The following ZNF497 variants were observed in gnomAD, a reference collection of about 807,000 sequenced individuals.
ZNF497 encodes the protein zinc finger protein 497.
For synonymous variants in ZNF497, 422 were observed against 313.7 expected, an observed-to-expected ratio of 1.35 and a Z score of -3.65; for missense variants, 930 against 714.0, an observed-to-expected ratio of 1.30 and a Z score of -3.45.
chr19:58,356,484 C>T lies in ZNF497; in HGVS notation c.1152G>A (p.Lys384=), dbSNP rs890638945. 1.9e-6 allele frequency: 3 copies of T among 1,550,256 alleles called. No individual in the cohort carries two copies. The highest frequency in any genetic ancestry group is 2.6e-6 in the Non-Finnish European group (3 of 1,153,812). The change falls in exon 3 of 3, where the codon AAG becomes AAA. Residue 384 remains lysine, a synonymous_variant. Transcript: ENST00000311044. ...LSHRRTHSGA[K]PFACADCGKA... ...TGCCGCAGTCGGCGCAGGCGAAGGG[C>T]TTGGCGCCCGAGTGCGTGCGCCGGT...
chr19:58,357,474 G>A lies in ZNF497; in HGVS notation c.162C>T (p.Gly54=). 1.2e-5 allele frequency: 19 copies of A among 1,593,194 alleles called. No homozygotes were observed. The highest frequency in any genetic ancestry group is 1.5e-5 in the Non-Finnish European group (18 of 1,170,302). The part of the protein sequence containing the change: ...STEVPREAGD[G]QRQQATLGAA... The stretch of plus-strand genomic sequence containing the variant: ...CCCCCAGTGTGGCTTGCTGCCGCTG[G>A]CCGTCCCCTGCCTCCCTCGGAACCT... The change falls in exon 3 of 3, where the codon GGC becomes GGT. Residue 54 remains glycine, a synonymous_variant. Coordinates refer to ENST00000311044, the MANE Select transcript of ZNF497 (RefSeq NM_198458.3).
rs956737020 is a variant in ZNF497, at chr19:58,356,443, CT to C, written c.1192del (p.Ser398ValfsTer61). On this transcript the variant is annotated frameshift_variant, in exon 3 of 3. Coordinates refer to ENST00000311044, the MANE Select transcript of ZNF497 (RefSeq NM_198458.3). The stretch of plus-strand genomic sequence containing the variant: ...AAGCCGGTGGTGCGCCAGGCCGGAA[CT>C]GCCGCGGAAGGCCTTGCCGCAGTCG... The part of the protein sequence containing the change: ...CADCGKAFRG[S>X]SGLAHHRLSH... 1.9e-6 allele frequency: 3 copies of C among 1,560,256 alleles called. No individual in the cohort carries two copies.
intron 1 of ZNF497, among the ~76,000 whole-genome samples, chr19:58,361,439 C>A (rs1054936110): frequency 2.6e-5 from 4 of 152,280 alleles, no homozygotes; most frequent in Admixed American, 1.3e-4. Flanking sequence ...TCACCGCGAC[C>A]TCCGCCTCCT....
Position 58,357,550 on chromosome 19 carries a change from A to T in ZNF497, c.86T>A (p.Leu29His), listed in dbSNP as rs2052042622. 2.5e-6 allele frequency: 4 copies of T among 1,604,760 alleles called. No homozygotes were observed. In the East Asian group the frequency reaches 8.9e-5, roughly 36 times the overall value. ...GCCTCCAGACACAGCCCCCTCAGAG[A>T]GGCCCCTCGTGGCAGTCTTCACATT... is the stretch of plus-strand genomic sequence containing the variant. ...LCNVKTATRGLSEGAVSGGWG... is the reference protein window; with the variant it reads ...LCNVKTATRGHSEGAVSGGWG... Residue 29 changes from leucine to histidine, a missense_variant, in exon 3 of 3, where the codon CTC becomes CAC. Leu to His is a moderately conservative substitution (Grantham distance 99). Coordinates refer to ENST00000311044, the MANE Select transcript of ZNF497 (RefSeq NM_198458.3).
chr19:58,358,275 C>T (rs1599912918), intron 2 of ZNF497: 2 of 1,289,632 alleles, frequency 1.6e-6, no homozygotes, highest in Middle Eastern at 2.1e-4. Flanking sequence ...GGTGGCTGTG[C>T]AGCCCAGATC....
At chr19:58,359,086 C>T (rs938622219) in intron 1 of ZNF497, 1 of 856,878 alleles carries the variant, frequency 1.2e-6, no homozygotes, top group South Asian at 1.4e-5. Context: ...GCATCAGCCA[C>T]TGGCAACACA....
Position 58,356,835 on chromosome 19 carries a change from G to A in ZNF497, c.801C>T (p.Ile267=), listed in dbSNP as rs770448722. The A allele has an allele frequency of 1.3e-6, 2 of 1,570,918 alleles. No individual in the cohort carries two copies. Among genetic ancestry groups the A allele is most frequent in the Non-Finnish European group, 1.7e-6 (2 of 1,164,860 alleles). ...QSSNLAEHLK[I]HAGARPHACP... Reference sequence around the variant, plus strand: ...AGGCGTGTGGCCGTGCGCCCGCGTGGATCTTCAGGTGCTCGGCCAGGTTGG... The same window carrying A: ...AGGCGTGTGGCCGTGCGCCCGCGTGAATCTTCAGGTGCTCGGCCAGGTTGG... The change falls in exon 3 of 3, where the codon ATC becomes ATT. Residue 267 remains isoleucine, a synonymous_variant. Transcript: ENST00000311044.
intron 1 of ZNF497, chr19:58,359,091 A>T: frequency 1.1e-6 from 1 of 900,672 alleles, no homozygotes; most frequent in Non-Finnish European, 1.6e-6. Flanking sequence ...AGCCACTGGC[A>T]ACACAGCTCA....
At chr19:58,359,930 C>T (rs2052072855) in intron 1 of ZNF497, among the ~76,000 whole-genome samples, 1 of 151,106 alleles carries the variant, frequency 6.6e-6, no homozygotes, top group Non-Finnish European at 1.5e-5. Flanking sequence ...CGAGATCGCG[C>T]CACTGCACTC....
At chr19:58,358,880 C>T (rs765915634) in intron 1 of ZNF497, 5 of 456,216 alleles carry the variant, frequency 1.1e-5, no homozygotes, top group South Asian at 6.2e-5. Flanking sequence ...GCACACCCAG[C>T]CCCCAGACCA....
Position 58,357,038 on chromosome 19 carries a change from C to G in ZNF497, c.598G>C (p.Gly200Arg). The stretch of plus-strand genomic sequence containing the variant: ...TGCTGCACCAGCGTGGTGCTTCGGC[C>G]GAAGGACTTGCCGCAGTCCGGGCAG... ...FRCPDCGKSF[G>R]RSTTLVQHRR... Residue 200 changes from glycine (G) to arginine (R), a missense_variant, in exon 3 of 3, where the codon GGC becomes CGC. Gly to Arg is a moderately radical substitution (Grantham distance 125, BLOSUM62 -2). Transcript: ENST00000311044. 6.2e-7 allele frequency: 1 copy of G among 1,609,770 alleles called. No individual in the cohort carries two copies. The highest frequency in any genetic ancestry group is 8.5e-7 in the Non-Finnish European group (1 of 1,178,840).
In ZNF497 at chr19:58,356,845, T is replaced by C; in HGVS notation, c.791A>G (p.His264Arg). Residue 264 changes from histidine to arginine, a missense_variant, in exon 3 of 3, where the codon CAC becomes CGC. By Grantham distance (29) the His-to-Arg change is conservative. Coordinates refer to ENST00000311044, the MANE Select transcript of ZNF497 (RefSeq NM_198458.3). ...AFSQSSNLAE[H>R]LKIHAGARPH... ...CCGTGCGCCCGCGTGGATCTTCAGG[T>C]GCTCGGCCAGGTTGGAGCTCTGGCT... The C allele has an allele frequency of 2.5e-6, 4 of 1,579,046 alleles. No homozygotes were observed. Among genetic ancestry groups the C allele is most frequent in the Non-Finnish European group, 3.4e-6 (4 of 1,168,016 alleles).
At chr19:58,358,408 C>G (rs907034374) in intron 2 of ZNF497, 81 bp downstream of exon 2, 2 of 1,158,910 alleles carry the variant, frequency 1.7e-6, no homozygotes. Flanking sequence ...CTCATTTGCC[C>G]TGAGCACCTT....
rs569390884 is a variant in ZNF497, at chr19:58,357,602, C to G, written c.34G>C (p.Ala12Pro). The G allele has an allele frequency of 2.6e-6, 4 of 1,553,344 alleles. No individual in the cohort carries two copies. In the African/African-American group the frequency reaches 5.5e-5, roughly 21 times the overall value. ...CAGAGGACCTGGCCTTCCTCTGGGG[C>G]CACCTGCAGGGTCCACCCTCTTGGG... ...ESPRGWTLQV[A>P]PEEGQVLCNV... Residue 12 changes from alanine to proline, a missense_variant, in exon 3 of 3, where the codon GCC (alanine) becomes CCC (proline). By Grantham distance (27) the Ala-to-Pro change is conservative. Coordinates refer to ENST00000311044, the MANE Select transcript of ZNF497 (RefSeq NM_198458.3).
chr19:58,357,682 A>G (rs769123250), intron 2 of ZNF497, 33 bp from the exon 3 acceptor site: 1 of 1,496,744 alleles, frequency 6.7e-7, no homozygotes, highest in African/African-American at 1.4e-5. Flanking sequence ...AGTACCTTAG[A>G]GAATACAAAG....
At position 58,357,323 on chromosome 19, in the gene ZNF497, C is replaced by A. The variant is rs149061243; in HGVS notation, c.313G>T (p.Gly105Cys). 6.2e-7 allele frequency: 1 copy of A among 1,604,898 alleles called. No individual in the cohort carries two copies. The highest frequency in any genetic ancestry group is 8.5e-7 in the Non-Finnish European group (1 of 1,176,216). The change falls in exon 3 of 3, where the codon GGC becomes TGC. Residue 105 changes from glycine (G) to cysteine (C), a missense_variant. Coordinates refer to ENST00000311044, the MANE Select transcript of ZNF497 (RefSeq NM_198458.3). ...TTGCCGCACTCCCCGCACCGGCAGC[C>A]CGGCTCCTCTGGGAGAGGCGAAGGG... ...LRPSPLPEEP[G>C]CRCGECGKAF...
At chr19:58,359,071 C>T (rs2052061875) in intron 1 of ZNF497, 2 of 699,372 alleles carry the variant, frequency 2.9e-6, no homozygotes, top group African/African-American at 1.8e-5. Context: ...TGGAGCAGGC[C>T]TCAGGCATCA....
chr19:58,358,401 A>T, intron 2 of ZNF497, 88 bp downstream of exon 2: 1 of 1,155,542 alleles, frequency 8.7e-7, no homozygotes, highest in Non-Finnish European at 1.1e-6. Context: ...ACCCATCCTC[A>T]TTTGCCCTGA....
Position 58,356,348 on chromosome 19 carries a change from GCAGCT to G in ZNF497, c.1283_1287del (p.Glu428AlafsTer178). The G allele has an allele frequency of 6.4e-7, 1 of 1,566,410 alleles. No individual in the cohort carries two copies. Among genetic ancestry groups the G allele is most frequent in the Non-Finnish European group, 8.6e-7 (1 of 1,158,930 alleles). ...CCAGAGTGCAGGCGCTGGTGCTGGC[GCAGCT>G]CGGAGCTGCCGCGGAAGGCCTTGCC... On this transcript the variant is annotated frameshift_variant, in exon 3 of 3. Transcript: ENST00000311044.
Sources: allele counts gnomAD v4.1 joint callset (sites outside exome capture counted in the v4.1 genomes callset), GRCh38; gene constraint gnomAD v4.1.1; transcripts MANE v1.5; gene names NCBI Gene and HGNC (gene_info 2026-07-23, HGNC 2026-07-21).